Variants in OSBPL9 observed in about 807,000 individuals in gnomAD.
The protein encoded by OSBPL9 is oxysterol-binding protein-related protein 9.
Under a neutral mutation model 106.6 loss-of-function variants are expected in OSBPL9, and 40 were observed. The observed-to-expected ratio is 0.38, with a 90% CI of 0.29 to 0.49. The LOEUF (loss-of-function observed/expected upper bound fraction) is 0.49, where lower values mean the gene tolerates loss of function less well. Ranked by LOEUF, OSBPL9 falls within the 20% of genes least tolerant of loss-of-function variation. The probability of loss-of-function intolerance (pLI) is 0.97; values close to 1 mark genes in which losing one functional copy is unlikely to be tolerated. For synonymous variants in OSBPL9, 269 were observed against 295.4 expected (o/e 0.91, Z 0.92); for missense variants, 609 against 887.2 (o/e 0.69, Z 3.98).
chr1:51,781,484 G>A (rs958804862), intron 16 of OSBPL9, 149 bp downstream of exon 16: 1 of 763,158 alleles, frequency 1.3e-6, no homozygotes, highest in Non-Finnish European at 2.1e-6. Context: ...TAGTTTGAAT[G>A]TAGTGAGAAG....
In OSBPL9 at chr1:51,765,888, C is replaced by T. The variant is rs61739207; in HGVS notation, c.845C>T (p.Thr282Ile). 10,403 of 1,613,942 alleles carry T rather than the reference C, an allele frequency of 6.4e-3. 116 individuals carry two copies. Among genetic ancestry groups the T allele is most frequent in the Middle Eastern group, 0.02 (123 of 6,062 alleles). The change falls in exon 12 of 24, where the codon ACA becomes ATA. Residue 282 changes from threonine to isoleucine, a missense_variant. By Grantham distance (89) the Thr-to-Ile change is moderately conservative. Transcript: ENST00000428468. ...SPSHVNLSPN[T>I]VPEFSYSSSE... Reference sequence around the variant, plus strand: ...AGCCACGTGAACTTGTCTCCAAATACAGTCCCAGAGTTCTCTTACTCCAGC... The same window carrying T: ...AGCCACGTGAACTTGTCTCCAAATATAGTCCCAGAGTTCTCTTACTCCAGC...
chr1:51,564,119 G>T, the OSBPL9 span, among the ~76,000 whole-genome samples: 1 of 144,396 alleles, frequency 6.9e-6, no homozygotes, highest in African/African-American at 2.5e-5. Context: ...AAAAGAAAAC[G>T]GGGGTCCAGA....
In OSBPL9 at chr1:51,788,175, T is replaced by TATATACACACACATAC. The variant is rs1678155448; in HGVS notation, c.*387_*402dup. 2 of 208,618 alleles carry TATATACACACACATAC rather than the reference T, an allele frequency of 9.6e-6. No individual in the cohort carries two copies. The highest frequency in any genetic ancestry group is 1.1e-4 in the Admixed American group (2 of 18,774). 12.9% of individuals were successfully genotyped at this position (208,618 alleles called of 1,614,324 possible). A position where few individuals can be genotyped will look rare whatever the true frequency, so the allele number is the denominator to read the frequency against. ...CGGGATACACACACACACACACATA[T>TATATACACACACATAC]ATATACACACACATACGTATACACA... On this transcript the variant is annotated 3_prime_UTR_variant, in exon 24 of 24. Transcript: ENST00000428468.
At chr1:51,548,110 A>T in the OSBPL9 span, among the ~76,000 whole-genome samples, 24 of 152,144 alleles carry the variant, frequency 1.6e-4, no homozygotes, top group Non-Finnish European at 2.9e-4. Context: ...AATCATCTGG[A>T]GGAGTATGGT....
At chr1:51,675,925 A>G (rs968403012) in intron 3 of OSBPL9, among the ~76,000 whole-genome samples, 2 of 152,186 alleles carry the variant, frequency 1.3e-5, no homozygotes, top group African/African-American at 4.8e-5. Context: ...TGCCTACCAT[A>G]AAATAAACAT....
intron 14 of OSBPL9, among the ~76,000 whole-genome samples, chr1:51,773,132 G>A (rs1481226927): frequency 1.3e-5 from 2 of 152,158 alleles, no homozygotes; most frequent in Non-Finnish European, 2.9e-5. Flanking sequence ...AGGATTGGAA[G>A]AGGTAGTAAA....
Position 51,787,292 on chromosome 1 carries a change from T to C in OSBPL9, c.2001-61T>C. ...CCATTTGACTTGTATTATACTATAT[T>C]CAGGATGGCTGCAGGCTTTCATTCT... is the stretch of plus-strand genomic sequence containing the variant. On this transcript the variant is annotated intron_variant, in intron 22 of 23. Transcript: ENST00000428468. The C allele has an allele frequency of 2.6e-6, 4 of 1,517,512 alleles. No individual in the cohort carries two copies. In the South Asian group the frequency reaches 4.6e-5, roughly 17 times the overall value. 94.0% of individuals were successfully genotyped at this position (1,517,512 alleles called of 1,614,324 possible). A position where few individuals can be genotyped will look rare whatever the true frequency, so the allele number is the denominator to read the frequency against.
intron 3 of OSBPL9, among the ~76,000 whole-genome samples, chr1:51,683,926 G>A (rs1319763666): frequency 2.0e-5 from 3 of 152,150 alleles, no homozygotes; most frequent in Non-Finnish European, 4.4e-5. Context: ...GGAGCTGGAG[G>A]CAGTGAATGT....
the OSBPL9 span, among the ~76,000 whole-genome samples, chr1:51,518,926 C>A: frequency 6.6e-6 from 1 of 151,426 alleles, no homozygotes; most frequent in Non-Finnish European, 1.5e-5. Context: ...ACAGTCCACT[C>A]GGCAGCGGCG....
chr1:51,651,474 G>T lies in OSBPL9; in HGVS notation c.112-517G>T, dbSNP rs191268084. 3.3e-4 allele frequency among the ~76,000 whole-genome samples: 50 copies of T among 152,136 alleles called. No individual in the cohort carries two copies. The East Asian group carries it at 9.5e-3, about 29-fold the overall frequency. On this transcript the variant is annotated intron_variant, in intron 1 of 23. Transcript: ENST00000428468. ...AAAAATTAGCCGAGCATGGTGGCGGGTGCCTGTAATCCCAGCTACTCTGGA... is the reference window on the plus strand; with the variant it reads ...AAAAATTAGCCGAGCATGGTGGCGGTTGCCTGTAATCCCAGCTACTCTGGA...
At chr1:51,572,280 A>C (rs757705607), upstream of OSBPL9, among the ~76,000 whole-genome samples, 2 of 152,162 alleles carry the variant, frequency 1.3e-5, no homozygotes, top group Non-Finnish European at 2.9e-5. Flanking sequence ...CAAAAAACCC[A>C]ATCCTGCAGA....
chr1:51,694,464 T>C (rs1200991082), intron 3 of OSBPL9, among the ~76,000 whole-genome samples: 4 of 152,240 alleles, frequency 2.6e-5, no homozygotes, highest in African/African-American at 9.6e-5. Context: ...ATAGCCTTTT[T>C]AGATAACTGC....
chr1:51,675,257 A>G (rs1218937485), intron 3 of OSBPL9, among the ~76,000 whole-genome samples: 6 of 152,228 alleles, frequency 3.9e-5, no homozygotes, highest in Non-Finnish European at 5.9e-5. Context: ...CACCCTGTGT[A>G]AAGGGATAGC....
intron 3 of OSBPL9, among the ~76,000 whole-genome samples, chr1:51,702,210 G>A (rs1025316992): frequency 2.0e-5 from 3 of 152,186 alleles, no homozygotes; most frequent in Non-Finnish European, 4.4e-5. Flanking sequence ...CTAGATCCCT[G>A]AGGAATTGCC....
At chr1:51,561,239 TCAAA>T in the OSBPL9 span, among the ~76,000 whole-genome samples, 3 of 152,196 alleles carry the variant, frequency 2.0e-5, no homozygotes, top group African/African-American at 7.2e-5. Flanking sequence ...AGACTCTGTC[TCAAA>T]CAAACACAAA....
the OSBPL9 span, among the ~76,000 whole-genome samples, chr1:51,539,538 T>G: frequency 6.6e-6 from 1 of 152,184 alleles, no homozygotes; most frequent in Non-Finnish European, 1.5e-5. Context: ...ACAATGACCT[T>G]TCTAAAAACA....
chr1:51,574,161 T>A (rs1352114939), upstream of OSBPL9: 1 of 152,248 alleles, frequency 6.6e-6, no homozygotes, highest in Non-Finnish European at 1.5e-5. Flanking sequence ...CTGATATTCC[T>A]GAAATTCCTT....
At chr1:51,708,614 C>T (rs1342245441) in intron 3 of OSBPL9, among the ~76,000 whole-genome samples, 4 of 152,088 alleles carry the variant, frequency 2.6e-5, no homozygotes, top group African/African-American at 9.7e-5. Flanking sequence ...TTAATTAGCA[C>T]GTTTACTTCA....
chr1:51,706,100 ACT>A (rs1371552063), intron 3 of OSBPL9, among the ~76,000 whole-genome samples: 1 of 151,944 alleles, frequency 6.6e-6, no homozygotes, highest in Non-Finnish European at 1.5e-5. Flanking sequence ...TGGAGTGTTC[ACT>A]CTTTTTCCAT....
Sources: gnomAD v4.1 joint callset for allele counts (sites outside exome capture counted in the v4.1 genomes callset) on GRCh38, gnomAD v4.1.1 for gene constraint, MANE v1.5 for transcripts, NCBI Gene and HGNC (gene_info 2026-07-23, HGNC 2026-07-21) for gene names.